Variants in NEK11 observed in about 807,000 individuals in gnomAD.
The protein encoded by NEK11 is serine/threonine-protein kinase Nek11.
A neutral mutation model predicts 80.7 loss-of-function variants in NEK11; 72 were observed. That is an observed-to-expected ratio of 0.89 (90% CI 0.74 to 1.08). NEK11 has a LOEUF of 1.08. Ranked by LOEUF, NEK11 falls within the 50% of genes least tolerant of loss-of-function variation. The pLI, the probability that NEK11 is intolerant of heterozygous loss-of-function variation, is 0.00. For synonymous variants in NEK11, 251 were observed against 260.7 expected, an observed-to-expected ratio of 0.96 and a Z score of 0.36; for missense variants, 764 against 763.6, an observed-to-expected ratio of 1.00 and a Z score of -0.01.
At chr3:131,296,874 A>G (rs1248679662) in intron 17 of NEK11, among the ~76,000 whole-genome samples, 1 of 147,986 alleles carries the variant, frequency 6.8e-6, no homozygotes, top group Non-Finnish European at 1.5e-5. Context: ...ATGGGTTCTC[A>G]TTGTTCAATT....
intron 7 of NEK11, among the ~76,000 whole-genome samples, chr3:131,150,914 A>G (rs2089521767): frequency 6.6e-6 from 1 of 152,004 alleles, no homozygotes; most frequent in African/African-American, 2.4e-5. Context: ...GGCTAAAAAC[A>G]TCTTTATTTC....
rs1480598323 is a variant in NEK11, at chr3:131,243,426, A to AT, written c.1561-6dup. On this transcript the variant is annotated splice_polypyrimidine_tract_variant and intron_variant, in intron 15 of 17. Coordinates refer to ENST00000383366, the MANE Select transcript of NEK11 (RefSeq NM_024800.5). ...CAGGGAAAATAAACATTTCTCCCTT[A>AT]TTTTGACAGGACAGTGATATCGAAG... 1.9e-6 allele frequency: 3 copies of AT among 1,611,638 alleles called. No homozygotes were observed. The highest frequency in any genetic ancestry group is 2.5e-6 in the Non-Finnish European group (3 of 1,178,542).
intron 17 of NEK11, among the ~76,000 whole-genome samples, chr3:131,339,964 G>A (rs1353963701): frequency 6.6e-6 from 1 of 152,214 alleles, no homozygotes; most frequent in Non-Finnish European, 1.5e-5. Flanking sequence ...AAAGGCGTGA[G>A]CAATGCAAAT....
chr3:131,040,131 G>A (rs1263382690), intron 3 of NEK11, among the ~76,000 whole-genome samples: 1 of 152,004 alleles, frequency 6.6e-6, no homozygotes, highest in African/African-American at 2.4e-5. Context: ...TTAAAATACT[G>A]TGAAATTGAA....
intron 3 of NEK11, among the ~76,000 whole-genome samples, chr3:131,054,970 C>T (rs1450222978): frequency 6.6e-6 from 1 of 152,000 alleles, no homozygotes; most frequent in Non-Finnish European, 1.5e-5. Flanking sequence ...CAAGGGCGAG[C>T]TTGCTTCACC....
At chr3:131,208,121 C>G (rs1159098352) in intron 14 of NEK11, among the ~76,000 whole-genome samples, 1 of 152,136 alleles carries the variant, frequency 6.6e-6, no homozygotes, top group East Asian at 1.9e-4. Flanking sequence ...GGTCTTTAAT[C>G]CATCTTGCAT....
At chr3:131,323,453 C>A (rs1200997053) in intron 17 of NEK11, among the ~76,000 whole-genome samples, 1 of 150,808 alleles carries the variant, frequency 6.6e-6, no homozygotes, top group Non-Finnish European at 1.5e-5. Flanking sequence ...ACTACCTTGG[C>A]CTTCCTGGTC....
At chr3:131,169,754 C>T (rs2092551570) in intron 13 of NEK11, among the ~76,000 whole-genome samples, 1 of 152,120 alleles carries the variant, frequency 6.6e-6, no homozygotes, top group South Asian at 2.1e-4. Context: ...GCAATTATAA[C>T]AATTCTATCT....
intron 7 of NEK11, among the ~76,000 whole-genome samples, chr3:131,146,902 A>G (rs902865543): frequency 6.6e-6 from 1 of 151,980 alleles, no homozygotes; most frequent in Non-Finnish European, 1.5e-5. Context: ...TTATTGCTTT[A>G]TAGAAGTTTT....
At chr3:131,236,546 T>C (rs1023335986) in intron 15 of NEK11, among the ~76,000 whole-genome samples, 18 of 152,208 alleles carry the variant, frequency 1.2e-4, no homozygotes, top group Non-Finnish European at 2.4e-4. Flanking sequence ...GTTTTAATAA[T>C]GCAGAGTAAA....
At chr3:131,307,031 T>C (rs950370694) in intron 17 of NEK11, among the ~76,000 whole-genome samples, 9 of 152,166 alleles carry the variant, frequency 5.9e-5, no homozygotes, top group African/African-American at 1.9e-4. Context: ...ACCTCTCTAA[T>C]GGATCCTAAA....
At chr3:131,027,372 G>C (rs991735545) in intron 1 of NEK11, 1 of 151,808 alleles carries the variant, frequency 6.6e-6, no homozygotes, top group Non-Finnish European at 1.5e-5. Flanking sequence ...TACTCCTTCC[G>C]TTGTCTTTTG....
At chr3:131,331,890 A>C (rs1227693127) in intron 17 of NEK11, among the ~76,000 whole-genome samples, 1 of 152,190 alleles carries the variant, frequency 6.6e-6, no homozygotes, top group Non-Finnish European at 1.5e-5. Flanking sequence ...ATCAAACTGC[A>C]AGGCGGCAGC....
chr3:131,296,882 A>G (rs757402690), intron 17 of NEK11, among the ~76,000 whole-genome samples: 65 of 151,718 alleles, frequency 4.3e-4, no homozygotes, highest in African/African-American at 1.1e-3. Context: ...TCATTGTTCA[A>G]TTCCCACCTA....
At chr3:131,253,013 T>C (rs998738110) in intron 16 of NEK11, among the ~76,000 whole-genome samples, 1 of 152,150 alleles carries the variant, frequency 6.6e-6, no homozygotes, top group South Asian at 2.1e-4. Flanking sequence ...ATGGGCTATC[T>C]GGCACTGTGC....
chr3:131,315,713 C>T (rs1274784364), intron 17 of NEK11, among the ~76,000 whole-genome samples: 1 of 151,958 alleles, frequency 6.6e-6, no homozygotes, highest in African/African-American at 2.4e-5. Flanking sequence ...CCCTCCCCCA[C>T]CAACCCCCGA....
chr3:131,136,179 A>T (rs118100257), intron 7 of NEK11, among the ~76,000 whole-genome samples: 1 of 152,298 alleles, frequency 6.6e-6, no homozygotes, highest in East Asian at 1.9e-4. Context: ...CAAGCTTAGG[A>T]TTCATCATCA....
chr3:131,036,860 A>C (rs1202857100), intron 3 of NEK11, among the ~76,000 whole-genome samples: 2 of 152,242 alleles, frequency 1.3e-5, no homozygotes, highest in Non-Finnish European at 2.9e-5. Flanking sequence ...GGATGGGAGA[A>C]GAGTTGCATT....
intron 15 of NEK11, among the ~76,000 whole-genome samples, chr3:131,238,993 A>G (rs1268122533): frequency 2.6e-5 from 4 of 152,106 alleles, no homozygotes; most frequent in Non-Finnish European, 4.4e-5. Flanking sequence ...TGCAATATTC[A>G]TGTAGATAGA....
Sources: gnomAD v4.1 joint callset for allele counts (sites outside exome capture counted in the v4.1 genomes callset) on GRCh38, gnomAD v4.1.1 for gene constraint, MANE v1.5 for transcripts, NCBI Gene and HGNC (gene_info 2026-07-23, HGNC 2026-07-21) for gene names.